Variants in SIPA1L3 observed in about 807,000 individuals in gnomAD.
The protein encoded by SIPA1L3 is signal induced proliferation associated 1 like 3.
In SIPA1L3, 59 loss-of-function variants were observed where a neutral mutation model predicts 150.1. The observed-to-expected ratio is 0.39, with a 90% CI of 0.32 to 0.49. The LOEUF (loss-of-function observed/expected upper bound fraction) is 0.49. Among genes scored for constraint, SIPA1L3 ranks in the 20% least tolerant of loss-of-function variants. The pLI, the probability that SIPA1L3 is intolerant of heterozygous loss-of-function variation, is 0.86. For synonymous variants in SIPA1L3, 1,070 were observed against 1,077.6 expected (o/e 0.99, Z 0.14); for missense variants, 2,211 against 2,489.5 (o/e 0.89, Z 2.38).
At chr19:38,132,672 G>A (rs1301170296) in intron 10 of SIPA1L3, among the ~76,000 whole-genome samples, 2 of 148,604 alleles carry the variant, frequency 1.3e-5, no homozygotes, top group African/African-American at 5.0e-5. Context: ...CTTTGAGACA[G>A]AGTCTTGCTC....
chr19:37,979,911 G>A (rs762894801), intron 1 of SIPA1L3, among the ~76,000 whole-genome samples: 8 of 152,196 alleles, frequency 5.3e-5, no homozygotes, highest in South Asian at 2.1e-4. Flanking sequence ...TGGTGCCTCC[G>A]CGTGCACACT....
At chr19:37,938,878 C>T (rs1482525103) in intron 1 of SIPA1L3, among the ~76,000 whole-genome samples, 1 of 152,150 alleles carries the variant, frequency 6.6e-6, no homozygotes. Flanking sequence ...CTTTCTCAGC[C>T]TTCCAAAGTT....
chr19:38,068,033 T>C (rs1969634961), intron 2 of SIPA1L3, among the ~76,000 whole-genome samples: 1 of 151,056 alleles, frequency 6.6e-6, no homozygotes, highest in Non-Finnish European at 1.5e-5. Context: ...TTTTTTTTTT[T>C]TTTTTTTGAG....
intron 1 of SIPA1L3, among the ~76,000 whole-genome samples, chr19:38,009,750 A>G (rs916228590): frequency 7.2e-5 from 11 of 152,074 alleles, no homozygotes; most frequent in South Asian, 2.1e-4. Context: ...GACCACCAAG[A>G]TGGCGCTCCC....
intron 1 of SIPA1L3, among the ~76,000 whole-genome samples, chr19:37,996,568 G>T (rs1380911518): frequency 6.6e-6 from 1 of 152,100 alleles, no homozygotes; most frequent in Admixed American, 6.6e-5. Flanking sequence ...AGTATGCCAT[G>T]TATTGTTAGT....
At chr19:38,125,180 C>T (rs1600104965) in intron 9 of SIPA1L3, among the ~76,000 whole-genome samples, 1 of 152,264 alleles carries the variant, frequency 6.6e-6, no homozygotes, top group East Asian at 1.9e-4. Context: ...GGACTACAGG[C>T]GCCCGCCACC....
intron 1 of SIPA1L3, among the ~76,000 whole-genome samples, chr19:37,998,449 C>T (rs778772285): frequency 6.6e-6 from 1 of 152,084 alleles, no homozygotes; most frequent in Non-Finnish European, 1.5e-5. Flanking sequence ...CAAACCGAAA[C>T]GCATAAAGTT....
intron 1 of SIPA1L3, among the ~76,000 whole-genome samples, chr19:37,962,821 A>G (rs553274322): frequency 1.9e-4 from 29 of 152,252 alleles, no homozygotes; most frequent in Non-Finnish European, 3.2e-4. Flanking sequence ...AACACTGAAC[A>G]TTTTAGATCA....
intron 1 of SIPA1L3, among the ~76,000 whole-genome samples, chr19:38,016,283 TA>T (rs1448725215): frequency 6.6e-6 from 1 of 152,114 alleles, no homozygotes; most frequent in Non-Finnish European, 1.5e-5. Flanking sequence ...TGACTTGGAG[TA>T]ATAGCGTTTC....
intron 3 of SIPA1L3, 47 bp from the exon 4 acceptor site, chr19:38,088,674 T>G: frequency 6.3e-7 from 1 of 1,598,814 alleles, no homozygotes; most frequent in Non-Finnish European, 8.5e-7. Context: ...TCAGGGCCCC[T>G]CCTTCCCAGA....
chr19:38,027,765 TC>T (rs1291324863), intron 1 of SIPA1L3, among the ~76,000 whole-genome samples: 9 of 151,826 alleles, frequency 5.9e-5, no homozygotes, highest in Non-Finnish European at 1.2e-4. Flanking sequence ...GATCCTCCCA[TC>T]TTAGCCTCCT....
In SIPA1L3 at chr19:38,203,358, G is replaced by A. The variant is rs79989080; in HGVS notation, c.5121-769G>A. Among the ~76,000 whole-genome samples, 796 of 152,310 alleles carry A rather than the reference G, an allele frequency of 5.2e-3. 4 individuals are homozygous for A. The highest frequency in any genetic ancestry group is 9.1e-3 in the Non-Finnish European group (617 of 68,024). ...AGCAAGGTTGTAGGAAAGGGTGGGCGAGGCAGGAGGGCCAGCCCCCGACCG... is the reference window on the plus strand; with the variant it reads ...AGCAAGGTTGTAGGAAAGGGTGGGCAAGGCAGGAGGGCCAGCCCCCGACCG... On this transcript the variant is annotated intron_variant, in intron 20 of 21. Coordinates refer to ENST00000222345, the MANE Select transcript of SIPA1L3 (RefSeq NM_015073.3).
At chr19:38,139,641 G>A (rs761409222) in intron 10 of SIPA1L3, among the ~76,000 whole-genome samples, 1 of 152,172 alleles carries the variant, frequency 6.6e-6, no homozygotes, top group Non-Finnish European at 1.5e-5. Flanking sequence ...CGAGGGGTGC[G>A]GTGTGTCGGG....
intron 18 of SIPA1L3, among the ~76,000 whole-genome samples, chr19:38,195,501 G>C (rs1972901915): frequency 6.6e-6 from 1 of 152,048 alleles, no homozygotes; most frequent in African/African-American, 2.4e-5. Context: ...AAATTTCCCT[G>C]CTCCCCAGGC....
chr19:38,106,231 C>T lies in SIPA1L3; in HGVS notation c.2030-306C>T, dbSNP rs534646733. The T allele has an allele frequency of 4.2e-4, 131 of 310,542 alleles. 1 individual carries two copies. The highest frequency in any genetic ancestry group is 3.5e-3 in the South Asian group (123 of 35,010). The allele number at this position is 310,542 out of a possible 1,614,324, so 19.2% of individuals were successfully genotyped here. A position where few individuals can be genotyped will look rare whatever the true frequency, so the allele number is the denominator to read the frequency against. On this transcript the variant is annotated intron_variant, in intron 6 of 21. Coordinates refer to ENST00000222345, the MANE Select transcript of SIPA1L3 (RefSeq NM_015073.3). ...AAGCGATTCTCCTGCCTCAGCCTCC[C>T]GAGTAGCTGGGACTACAGGCACCCG...
At chr19:37,910,764 C>G (rs940736109) in intron 1 of SIPA1L3, among the ~76,000 whole-genome samples, 1 of 152,144 alleles carries the variant, frequency 6.6e-6, no homozygotes, top group Non-Finnish European at 1.5e-5. Flanking sequence ...GCCACCATGC[C>G]TGGCTAATTT....
chr19:37,974,743 G>A (rs1967035139), intron 1 of SIPA1L3, among the ~76,000 whole-genome samples: 1 of 152,136 alleles, frequency 6.6e-6, no homozygotes, highest in Non-Finnish European at 1.5e-5. Context: ...CCCTCCCTCT[G>A]TTCTAACACC....
Position 38,068,745 on chromosome 19 carries a change from T to A in SIPA1L3, c.-310-12511T>A, listed in dbSNP as rs147962167. Among the ~76,000 whole-genome samples the A allele has an allele frequency of 1.8e-3, 267 of 152,268 alleles. 2 individuals are homozygous for A. In the East Asian group the frequency reaches 0.019, roughly 11 times the overall value. On this transcript the variant is annotated intron_variant, in intron 2 of 21. Coordinates refer to ENST00000222345, the MANE Select transcript of SIPA1L3 (RefSeq NM_015073.3). ...GGTGGCACACAGCTGTAGTCCCAGCTACTCAAGAGGCTGAGGTGGGAAGAT... is the reference window on the plus strand; with the variant it reads ...GGTGGCACACAGCTGTAGTCCCAGCAACTCAAGAGGCTGAGGTGGGAAGAT...
chr19:38,108,380 TA>T, intron 7 of SIPA1L3: 2 of 152,256 alleles, frequency 1.3e-5, no homozygotes, highest in East Asian at 3.9e-4. Context: ...TTCTCATCTG[TA>T]AAATGGGGCA....
Sources: gnomAD v4.1 joint callset for allele counts (sites outside exome capture counted in the v4.1 genomes callset) on GRCh38, gnomAD v4.1.1 for gene constraint, MANE v1.5 for transcripts, NCBI Gene and HGNC (gene_info 2026-07-23, HGNC 2026-07-21) for gene names.